The following PPARGC1B variants were observed in gnomAD, a reference collection of about 807,000 sequenced individuals.
The protein encoded by PPARGC1B is PPARG coactivator 1 beta, also known as peroxisome proliferator-activated receptor gamma coactivator 1-beta.
Under a neutral mutation model 101.6 loss-of-function variants are expected in PPARGC1B, and 34 were observed. That is an observed-to-expected ratio of 0.33 (90% CI 0.25 to 0.45). PPARGC1B has a LOEUF of 0.45. PPARGC1B is among the 20% of genes least tolerant of loss of function. PPARGC1B has a pLI of 1.00. For synonymous variants in PPARGC1B, 548 were observed against 539.3 expected, an observed-to-expected ratio of 1.02 and a Z score of -0.22; for missense variants, 1,234 against 1,317.6, an observed-to-expected ratio of 0.94 and a Z score of 0.98.
At chr5:149,835,191 A>G (rs2113411273) in intron 6 of PPARGC1B, 110 bp from the exon 7 acceptor site, 1 of 941,696 alleles carries the variant, frequency 1.1e-6, no homozygotes, top group East Asian at 2.4e-5. Context: ...TTCCATGGGC[A>G]GTGGAACCAG....
At chr5:149,786,063 C>T (rs376117590) in intron 1 of PPARGC1B, among the ~76,000 whole-genome samples, 1 of 152,120 alleles carries the variant, frequency 6.6e-6, no homozygotes, top group Non-Finnish European at 1.5e-5. Flanking sequence ...GCTGGGATTA[C>T]AGGCATGTGC....
rs543865655 is a variant in PPARGC1B, at chr5:149,782,121, G to A, written c.79-38312G>A. Reference sequence around the variant, plus strand: ...AGAGGGGAGATTAAGAGAAGAAAAGGGAAGTAAGAAGGGCACACTGAGCCA... The same window carrying A: ...AGAGGGGAGATTAAGAGAAGAAAAGAGAAGTAAGAAGGGCACACTGAGCCA... On this transcript the variant is annotated intron_variant, in intron 1 of 11. Coordinates refer to ENST00000309241, the MANE Select transcript of PPARGC1B (RefSeq NM_133263.4). Among the ~76,000 whole-genome samples, 18 of 152,038 alleles carry A rather than the reference G, an allele frequency of 1.2e-4. No individual in the cohort carries two copies. The East Asian group carries it at 3.3e-3, about 28-fold the overall frequency.
intron 1 of PPARGC1B, among the ~76,000 whole-genome samples, chr5:149,810,506 A>T (rs1581081637): frequency 6.6e-6 from 1 of 151,968 alleles, no homozygotes. Context: ...AGGTCATCTC[A>T]CCCCGACACA....
At chr5:149,792,607 T>C (rs114571227) in intron 1 of PPARGC1B, among the ~76,000 whole-genome samples, 254 of 152,322 alleles carry the variant, frequency 1.7e-3, no homozygotes, top group African/African-American at 6.0e-3. Context: ...TTTAAATCTT[T>C]TTGTGCCTGA....
intron 4 of PPARGC1B, 28 bp downstream of exon 4, chr5:149,830,911 C>A: frequency 6.7e-7 from 1 of 1,486,712 alleles, no homozygotes; most frequent in Non-Finnish European, 9.4e-7. Flanking sequence ...CCCAAATCTA[C>A]CCCAGGTGTC....
chr5:149,845,615 G>A, intron 10 of PPARGC1B, 145 bp from the exon 11 acceptor site: 1 of 786,268 alleles, frequency 1.3e-6, no homozygotes, highest in Non-Finnish European at 2.1e-6. Context: ...AGTCAGCCCA[G>A]TGGTCATCAT....
At chr5:149,846,327 A>G in intron 11 of PPARGC1B, 1 of 357,066 alleles carries the variant, frequency 2.8e-6, no homozygotes, top group Middle Eastern at 7.6e-4. Context: ...AGGACAAAGA[A>G]GTACAATGTA....
chr5:149,731,024 G>A (rs1297283080), intron 1 of PPARGC1B, among the ~76,000 whole-genome samples: 1 of 152,254 alleles, frequency 6.6e-6, no homozygotes, highest in African/African-American at 2.4e-5. Flanking sequence ...TCCTGGTTTC[G>A]CTATCGGGCG....
chr5:149,739,234 T>C (rs190810597), intron 1 of PPARGC1B, among the ~76,000 whole-genome samples: 5 of 152,358 alleles, frequency 3.3e-5, no homozygotes, highest in Admixed American at 3.3e-4. Flanking sequence ...GTCACTCTTA[T>C]TCCATCTCCA....
At chr5:149,802,199 G>C (rs908084989) in intron 1 of PPARGC1B, among the ~76,000 whole-genome samples, 1 of 152,158 alleles carries the variant, frequency 6.6e-6, no homozygotes, top group Non-Finnish European at 1.5e-5. Flanking sequence ...CCTGACCTCA[G>C]GAACCAGTTC....
At chr5:149,841,963 C>T (rs1165320972) in intron 9 of PPARGC1B, among the ~76,000 whole-genome samples, 2 of 152,234 alleles carry the variant, frequency 1.3e-5, no homozygotes, top group African/African-American at 4.8e-5. Flanking sequence ...ACTGAATATG[C>T]AGGCATATCA....
chr5:149,770,541 T>A (rs1362133458), intron 1 of PPARGC1B, among the ~76,000 whole-genome samples: 1 of 152,206 alleles, frequency 6.6e-6, no homozygotes, highest in Non-Finnish European at 1.5e-5. Flanking sequence ...TCAATTTCTT[T>A]ACCTGTTAAG....
intron 1 of PPARGC1B, among the ~76,000 whole-genome samples, chr5:149,768,809 C>T (rs1234385272): frequency 6.6e-6 from 1 of 152,148 alleles, no homozygotes; most frequent in Non-Finnish European, 1.5e-5. Flanking sequence ...AGCCACCATG[C>T]CTGGCATAAT....
rs757476893 is a variant in PPARGC1B, at chr5:149,852,805, C to G, written c.*5247C>G. 30 of 151,434 alleles carry G rather than the reference C, an allele frequency of 2.0e-4. No homozygotes were observed. Among genetic ancestry groups the G allele is most frequent in the Non-Finnish European group, 4.0e-4 (27 of 67,980 alleles). 9.4% of individuals were successfully genotyped at this position (151,434 alleles called of 1,614,324 possible). A position where few individuals can be genotyped will look rare whatever the true frequency, so the allele number is the denominator to read the frequency against. On this transcript the variant is annotated 3_prime_UTR_variant, in exon 12 of 12. Transcript: ENST00000309241. ...ATATGGGGCAACAGGAGGCATTGAT[C>G]GCGCTGCATATGTTTAGGGCAGCTT...
At chr5:149,768,370 G>T (rs937379149) in intron 1 of PPARGC1B, among the ~76,000 whole-genome samples, 1 of 151,962 alleles carries the variant, frequency 6.6e-6, no homozygotes, top group Non-Finnish European at 1.5e-5. Flanking sequence ...CACCTCCCAG[G>T]CTCAAGCAAT....
intron 1 of PPARGC1B, among the ~76,000 whole-genome samples, chr5:149,812,993 A>G (rs78165425): frequency 0.015 from 2,251 of 152,334 alleles, 24 homozygotes; most frequent in Non-Finnish European, 0.024. Flanking sequence ...GTGGGACTTC[A>G]TAGGTATTTC....
chr5:149,829,463 C>G (rs1473183123), intron 3 of PPARGC1B, among the ~76,000 whole-genome samples: 1 of 152,120 alleles, frequency 6.6e-6, no homozygotes, highest in Non-Finnish European at 1.5e-5. Context: ...TCTCTGGCTC[C>G]TGGCCTTTGG....
intron 1 of PPARGC1B, among the ~76,000 whole-genome samples, chr5:149,793,457 T>C (rs1026114712): frequency 1.3e-5 from 2 of 152,170 alleles, no homozygotes; most frequent in Non-Finnish European, 2.9e-5. Context: ...TTGGCACTCA[T>C]GCAGCAAATG....
At chr5:149,750,402 T>C (rs1581010122) in intron 1 of PPARGC1B, among the ~76,000 whole-genome samples, 4 of 149,914 alleles carry the variant, frequency 2.7e-5, no homozygotes, top group Middle Eastern at 3.3e-3. Context: ...AATCATTTTT[T>C]AAAATCTATA....
Sources: gnomAD v4.1 joint callset for allele counts (sites outside exome capture counted in the v4.1 genomes callset) on GRCh38, gnomAD v4.1.1 for gene constraint, MANE v1.5 for transcripts, NCBI Gene and HGNC (gene_info 2026-07-23, HGNC 2026-07-21) for gene names.